RUFY3: variants seen among roughly 807,000 people sequenced by gnomAD.
RUFY3 encodes protein RUFY3.
Under a neutral mutation model 84.0 loss-of-function variants are expected in RUFY3, and 34 were observed. That is an observed-to-expected ratio of 0.40 (90% CI 0.31 to 0.54). The LOEUF (loss-of-function observed/expected upper bound fraction) is 0.54. Among genes scored for constraint, RUFY3 ranks in the 20% least tolerant of loss-of-function variants. The pLI, the probability that RUFY3 is intolerant of heterozygous loss-of-function variation, is 0.39. For missense variants in RUFY3, 507 were observed against 736.8 expected (o/e 0.69, Z 3.61); for synonymous variants, 242 against 252.9 (o/e 0.96, Z 0.41).
At chr4:70,705,845 G>T (rs1206504689) in intron 1 of RUFY3, among the ~76,000 whole-genome samples, 1 of 152,236 alleles carries the variant, frequency 6.6e-6, no homozygotes, top group Non-Finnish European at 1.5e-5. Flanking sequence ...TTTTTTACGA[G>T]CGTTCCTTCC....
At chr4:70,781,238 C>G (rs1425098467) in intron 8 of RUFY3, among the ~76,000 whole-genome samples, 2 of 152,134 alleles carry the variant, frequency 1.3e-5, no homozygotes, top group Non-Finnish European at 2.9e-5. Flanking sequence ...TAATCCCAGC[C>G]CTTTGGAAGC....
Position 70,799,230 on chromosome 4 carries a change from T to C in RUFY3, c.1558-911T>C, listed in dbSNP as rs143094315. 3.3e-5 allele frequency among the ~76,000 whole-genome samples: 5 copies of C among 151,798 alleles called. No individual in the cohort carries two copies. In the East Asian group the frequency reaches 9.8e-4, roughly 30 times the overall value. On this transcript the variant is annotated intron_variant, in intron 14 of 17. Transcript: ENST00000381006. ...CTGCCAAGTAGAAAATTCCTTGAGT[T>C]GAACAGGCTATAGAGATGGTGGCAC...
intron 8 of RUFY3, among the ~76,000 whole-genome samples, chr4:70,779,584 C>CTTTTTTTT (rs779419538): frequency 7.7e-6 from 1 of 130,500 alleles, no homozygotes; most frequent in Non-Finnish European, 1.7e-5. Context: ...ATTTCTTTTT[C>CTTTTTTTT]TTTTTTTTTT....
chr4:70,781,494 T>TA (rs1456552947), intron 8 of RUFY3, among the ~76,000 whole-genome samples: 2 of 152,092 alleles, frequency 1.3e-5, no homozygotes, highest in Non-Finnish European at 2.9e-5. Flanking sequence ...AATAAATAGA[T>TA]AAATAAATGT....
intron 1 of RUFY3, among the ~76,000 whole-genome samples, chr4:70,715,546 C>T (rs568271380): frequency 7.5e-6 from 1 of 132,930 alleles, no homozygotes; most frequent in Non-Finnish European, 1.5e-5. Flanking sequence ...GAGCCGAGAT[C>T]GTGCCACTGC....
chr4:70,728,439 C>A (rs1425445689), intron 1 of RUFY3, among the ~76,000 whole-genome samples: 1 of 152,230 alleles, frequency 6.6e-6, no homozygotes, highest in Non-Finnish European at 1.5e-5. Flanking sequence ...TTCTACTGAA[C>A]ACATATCACT....
Position 70,806,674 on chromosome 4 carries a change from A to C in RUFY3, c.*15A>C. On this transcript the variant is annotated 3_prime_UTR_variant, in exon 18 of 18. Transcript: ENST00000381006. ...GCCCATCATAAGACTGGAGGCCAAGACCTGGACCAAAACGTTTATGCAGGC... is the reference window on the plus strand; with the variant it reads ...GCCCATCATAAGACTGGAGGCCAAGCCCTGGACCAAAACGTTTATGCAGGC... The C allele has an allele frequency of 6.2e-7, 1 of 1,613,924 alleles. No individual in the cohort carries two copies.
Position 70,793,939 on chromosome 4 carries a change from C to A in RUFY3, c.1457+35C>A, listed in dbSNP as rs1168206339. 3 of 1,609,944 alleles carry A rather than the reference C, an allele frequency of 1.9e-6. No individual in the cohort carries two copies. The South Asian group carries it at 3.3e-5, about 18-fold the overall frequency. ...GGGTAGCTTGAGCTGACAGGGTGGT[C>A]ATGGGTAATTCTTAGGGTAGACAGC... On this transcript the variant is annotated intron_variant, in intron 13 of 17. Transcript: ENST00000381006.
At chr4:70,767,338 G>A (rs887885240) in intron 4 of RUFY3, among the ~76,000 whole-genome samples, 3 of 130,362 alleles carry the variant, frequency 2.3e-5, no homozygotes, top group African/African-American at 8.8e-5. Context: ...TCGAACTTCC[G>A]ACCTCAGGTG....
intron 1 of RUFY3, among the ~76,000 whole-genome samples, chr4:70,757,035 C>T (rs1724144182): frequency 6.6e-6 from 1 of 151,976 alleles, no homozygotes; most frequent in Non-Finnish European, 1.5e-5. Flanking sequence ...CTTTGGGAGG[C>T]TGAGGTGAGA....
chr4:70,776,010 A>G (rs534593922), intron 7 of RUFY3, among the ~76,000 whole-genome samples: 2 of 152,186 alleles, frequency 1.3e-5, no homozygotes, highest in African/African-American at 4.8e-5. Context: ...TATACATTGA[A>G]TTAATAGCAT....
Position 70,747,687 on chromosome 4 carries a change from A to G in RUFY3, c.179-14832A>G, listed in dbSNP as rs757468542. On this transcript the variant is annotated intron_variant, in intron 1 of 17. Transcript: ENST00000381006. ...CTATGCTGATGACTCTCTAAGTCCA[A>G]ACTTCCATTTGCATTTACAACTAGG... is the stretch of plus-strand genomic sequence containing the variant. 5.7e-4 allele frequency among the ~76,000 whole-genome samples: 87 copies of G among 152,170 alleles called. 1 individual carries two copies. The highest frequency in any genetic ancestry group is 2.6e-4 in the Non-Finnish European group (18 of 68,036).
At chr4:70,773,417 G>A (rs1341499765) in intron 5 of RUFY3, 94 bp from the exon 6 acceptor site, 2 of 787,256 alleles carry the variant, frequency 2.5e-6, no homozygotes, top group Non-Finnish European at 4.4e-6. Flanking sequence ...TGTCATGACT[G>A]TATTACTGTT....
intron 1 of RUFY3, among the ~76,000 whole-genome samples, chr4:70,709,631 CT>C (rs1224103077): frequency 6.6e-6 from 1 of 152,202 alleles, no homozygotes; most frequent in Non-Finnish European, 1.5e-5. Flanking sequence ...ACTTTTAATG[CT>C]TTCCTTTTCC....
intron 1 of RUFY3, among the ~76,000 whole-genome samples, chr4:70,723,853 T>C (rs567602860): frequency 1.8e-4 from 28 of 152,334 alleles, no homozygotes; most frequent in Non-Finnish European, 2.9e-4. Flanking sequence ...TGAAATCTTA[T>C]CATGACTCAG....
upstream of RUFY3, chr4:70,704,235 G>A (rs952827980): frequency 6.6e-6 from 1 of 152,202 alleles, no homozygotes; most frequent in Admixed American, 6.5e-5. Flanking sequence ...CGCACAAGAC[G>A]GGAACAAAAG....
intron 1 of RUFY3, among the ~76,000 whole-genome samples, chr4:70,731,034 T>A (rs899958367): frequency 6.7e-6 from 1 of 150,326 alleles, no homozygotes; most frequent in Non-Finnish European, 1.5e-5. Flanking sequence ...GCTTGGTGAT[T>A]GCCATCTTTT....
At position 70,714,702 on chromosome 4, in the gene RUFY3, A is replaced by G. The variant is rs1020143690; in HGVS notation, c.358+9408A>G. Among the ~76,000 whole-genome samples the G allele has an allele frequency of 4.6e-5, 7 of 152,360 alleles. No homozygotes were observed. The East Asian group carries it at 1.2e-3, about 25-fold the overall frequency. ...CTGGTATTTGGTAGGTACTATTTTGAGTAGATACGTAAGAGGTATGCAAAA... is the reference window on the plus strand; with the variant it reads ...CTGGTATTTGGTAGGTACTATTTTGGGTAGATACGTAAGAGGTATGCAAAA... On this transcript the variant is annotated intron_variant, in intron 1 of 11. Coordinates refer to the RUFY3 transcript ENST00000417478.
chr4:70,793,656 A>G, intron 12 of RUFY3, 129 bp from the exon 13 acceptor site: 3 of 1,554,120 alleles, frequency 1.9e-6, no homozygotes, highest in Non-Finnish European at 2.6e-6. Flanking sequence ...GTGTCCTGCA[A>G]AGTTTTTTTC....
Sources: gnomAD v4.1 joint callset for allele counts (sites outside exome capture counted in the v4.1 genomes callset) on GRCh38, gnomAD v4.1.1 for gene constraint, MANE v1.5 for transcripts, NCBI Gene and HGNC (gene_info 2026-07-23, HGNC 2026-07-21) for gene names.